NUCB2: variants seen among roughly 807,000 people sequenced by gnomAD.
NUCB2 encodes nucleobindin-2.
A neutral mutation model predicts 57.9 loss-of-function variants in NUCB2; 48 were observed. The observed-to-expected ratio is 0.83, with a 90% CI of 0.66 to 1.05. NUCB2 has a LOEUF of 1.05. NUCB2 is among the 50% of genes least tolerant of loss of function. NUCB2 has a pLI of 0.00. For synonymous variants in NUCB2, 139 were observed against 152.1 expected, an observed-to-expected ratio of 0.91 and a Z score of 0.64; for missense variants, 442 against 476.2, an observed-to-expected ratio of 0.93 and a Z score of 0.67.
intron 11 of NUCB2, among the ~76,000 whole-genome samples, chr11:17,320,651 C>T (rs186142945): frequency 1.1e-4 from 16 of 152,128 alleles, no homozygotes; most frequent in Non-Finnish European, 1.9e-4. Flanking sequence ...AGCAAGACTC[C>T]GTCTCAAAAA....
intron 2 of NUCB2, among the ~76,000 whole-genome samples, chr11:17,287,645 C>A (rs1363612158): frequency 6.8e-6 from 1 of 147,112 alleles, no homozygotes; most frequent in African/African-American, 2.6e-5. Context: ...TGCATTCTAG[C>A]CTGGGCAACA....
chr11:17,278,263 C>G (rs750888887), intron 1 of NUCB2: 1 of 150,998 alleles, frequency 6.6e-6, no homozygotes, highest in African/African-American at 2.4e-5. Flanking sequence ...GCAGCCTCCG[C>G]CTCCCGGGTT....
At chr11:17,301,690 T>C in intron 4 of NUCB2, 54 bp from the exon 5 acceptor site, 1 of 1,401,646 alleles carries the variant, frequency 7.1e-7, no homozygotes, top group Non-Finnish European at 1.0e-6. Flanking sequence ...GCTGTTGCAT[T>C]TGTCTAAAAA....
intron 11 of NUCB2, chr11:17,317,554 A>T: frequency 2.3e-6 from 1 of 427,608 alleles, no homozygotes; most frequent in Non-Finnish European, 4.7e-6. Flanking sequence ...CCAAGATGAT[A>T]CATTGAATTC....
intron 2 of NUCB2, among the ~76,000 whole-genome samples, chr11:17,284,663 TCAAA>T (rs1444713357): frequency 6.6e-6 from 1 of 151,912 alleles, no homozygotes; most frequent in Non-Finnish European, 1.5e-5. Flanking sequence ...CTTGTTGACC[TCAAA>T]CAAAATAATC....
At chr11:17,328,549 A>G (rs551282372) in intron 11 of NUCB2, among the ~76,000 whole-genome samples, 1 of 152,176 alleles carries the variant, frequency 6.6e-6, no homozygotes, top group East Asian at 1.9e-4. Flanking sequence ...TCCTCTTTCC[A>G]CAGGCAGAGG....
intron 10 of NUCB2, 65 bp downstream of exon 10, chr11:17,312,185 T>C: frequency 1.1e-6 from 1 of 881,486 alleles, no homozygotes; most frequent in Non-Finnish European, 1.8e-6. Flanking sequence ...GCAATAAATC[T>C]TTAAGATGGA....
chr11:17,324,965 C>T (rs1950495654), intron 11 of NUCB2, among the ~76,000 whole-genome samples: 1 of 151,720 alleles, frequency 6.6e-6, no homozygotes, highest in African/African-American at 2.4e-5. Context: ...CAACGCCCGG[C>T]TAATTTTTGT....
At chr11:17,316,330 T>C in intron 11 of NUCB2, among the ~76,000 whole-genome samples, 1 of 152,342 alleles carries the variant, frequency 6.6e-6, no homozygotes, top group East Asian at 1.9e-4. Context: ...TGTATGTTGA[T>C]GAAATACTTT....
At chr11:17,318,608 T>A (rs1342603033) in intron 11 of NUCB2, among the ~76,000 whole-genome samples, 1 of 152,172 alleles carries the variant, frequency 6.6e-6, no homozygotes, top group Non-Finnish European at 1.5e-5. Context: ...TTGAACATCC[T>A]GATATACTGA....
At chr11:17,347,853 C>A (rs1952866274) in intron 2 of NUCB2, among the ~76,000 whole-genome samples, 1 of 152,202 alleles carries the variant, frequency 6.6e-6, no homozygotes, top group African/African-American at 2.4e-5. Context: ...GTCTTTCTCA[C>A]AGTGTGGTCT....
intron 11 of NUCB2, among the ~76,000 whole-genome samples, chr11:17,327,296 A>G (rs1950808597): frequency 6.6e-6 from 1 of 152,184 alleles, no homozygotes; most frequent in Middle Eastern, 3.4e-3. Context: ...CCTGGTCTCA[A>G]GTGATCTGCC....
At chr11:17,285,410 T>TA (rs922537513) in intron 2 of NUCB2, among the ~76,000 whole-genome samples, 14 of 151,510 alleles carry the variant, frequency 9.2e-5, no homozygotes, top group African/African-American at 2.2e-4. Flanking sequence ...CTGTCTTTAC[T>TA]AAAAAAAACA....
At position 17,289,562 on chromosome 11, in the gene NUCB2, T is replaced by C. The variant is rs114756097; in HGVS notation, c.1-5762T>C. ...ACACTTGTCAGGTTATGTAGTGCTCTTCAACATTCAAATCAGATTTAGCTA... is the reference window on the plus strand; with the variant it reads ...ACACTTGTCAGGTTATGTAGTGCTCCTCAACATTCAAATCAGATTTAGCTA... On this transcript the variant is annotated intron_variant, in intron 2 of 13. Transcript: ENST00000529010. Among the ~76,000 whole-genome samples, 440 of 152,330 alleles carry C rather than the reference T, an allele frequency of 2.9e-3. 1 individual carries two copies. Among genetic ancestry groups the C allele is most frequent in the African/African-American group, 0.01 (431 of 41,576 alleles).
chr11:17,287,672 CAAAAA>C (rs1158145912), intron 2 of NUCB2, among the ~76,000 whole-genome samples: 1 of 65,392 alleles, frequency 1.5e-5, no homozygotes, highest in Non-Finnish European at 3.6e-5. Flanking sequence ...AACTCCACCT[CAAAAA>C]AAAAAAAAAA....
At chr11:17,302,572 T>A (rs1303401349) in intron 5 of NUCB2, among the ~76,000 whole-genome samples, 1 of 152,070 alleles carries the variant, frequency 6.6e-6, no homozygotes, top group Non-Finnish European at 1.5e-5. Flanking sequence ...TTCTTTTTTT[T>A]AAAGAAAATC....
chr11:17,318,785 T>C (rs1949638787), intron 11 of NUCB2, among the ~76,000 whole-genome samples: 3 of 152,206 alleles, frequency 2.0e-5, no homozygotes, highest in African/African-American at 7.2e-5. Context: ...TACACTGATA[T>C]AAGTAGAGGG....
At chr11:17,282,251 TATATA>T (rs1248992523) in intron 1 of NUCB2, among the ~76,000 whole-genome samples, 2 of 105,238 alleles carry the variant, frequency 1.9e-5, no homozygotes, top group African/African-American at 5.2e-5. Context: ...TATATATATA[TATATA>T]TATTTTTTTT....
intron 2 of NUCB2, among the ~76,000 whole-genome samples, chr11:17,346,655 A>G (rs1952763835): frequency 6.6e-6 from 1 of 152,218 alleles, no homozygotes; most frequent in Non-Finnish European, 1.5e-5. Context: ...ACTTTAAATA[A>G]TTTTAGCCTT....
Sources: gnomAD v4.1 joint callset for allele counts (sites outside exome capture counted in the v4.1 genomes callset) on GRCh38, gnomAD v4.1.1 for gene constraint, MANE v1.5 for transcripts, NCBI Gene and HGNC (gene_info 2026-07-23, HGNC 2026-07-21) for gene names.